Variants in RARB observed in about 807,000 individuals in gnomAD.
RARB encodes HBV-activated protein.
Under a neutral mutation model 51.9 loss-of-function variants are expected in RARB, and 17 were observed. The ratio of observed to expected loss-of-function variants is 0.33; its 90% confidence interval spans 0.22 to 0.49. The LOEUF (loss-of-function observed/expected upper bound fraction) is 0.49, where lower values mean the gene tolerates loss of function less well. Ranked by LOEUF, RARB falls within the 20% of genes least tolerant of loss-of-function variation. The pLI is 0.99. For synonymous variants in RARB, 215 were observed against 195.4 expected, an observed-to-expected ratio of 1.10 and a Z score of -0.84; for missense variants, 369 against 550.8, an observed-to-expected ratio of 0.67 and a Z score of 3.30.
At chr3:24,976,674 G>A (rs575553731) in intron 2 of RARB, among the ~76,000 whole-genome samples, 2 of 152,042 alleles carry the variant, frequency 1.3e-5, no homozygotes, top group South Asian at 4.1e-4. Context: ...TTTGTCAGAT[G>A]GATAGACTAC....
At chr3:25,063,527 TA>T (rs147651700) in intron 3 of RARB, among the ~76,000 whole-genome samples, 3,854 of 151,736 alleles carry the variant, frequency 0.025, 147 homozygotes, top group African/African-American at 0.087. Context: ...GCACATAAGG[TA>T]AAAAAACAAA....
intron 2 of RARB, among the ~76,000 whole-genome samples, chr3:25,001,447 C>G (rs1309801473): frequency 1.3e-5 from 2 of 152,082 alleles, no homozygotes; most frequent in Non-Finnish European, 2.9e-5. Flanking sequence ...TACTTTTGCC[C>G]TTATCCTTCT....
chr3:25,498,536 C>G (rs1381127093), intron 2 of RARB, among the ~76,000 whole-genome samples: 1 of 152,146 alleles, frequency 6.6e-6, no homozygotes, highest in Non-Finnish European at 1.5e-5. Context: ...TTTGGAAAAC[C>G]AAGAAGTCCT....
At chr3:25,247,013 C>A (rs1405885886) in intron 5 of RARB, among the ~76,000 whole-genome samples, 5 of 152,216 alleles carry the variant, frequency 3.3e-5, no homozygotes, top group Non-Finnish European at 2.9e-5. Context: ...TTCAGAGATG[C>A]CCTGCCCAGA....
chr3:25,323,130 G>A (rs947108773), intron 5 of RARB, among the ~76,000 whole-genome samples: 6 of 130,044 alleles, frequency 4.6e-5, no homozygotes, highest in African/African-American at 1.5e-4. Context: ...AATACCCGGG[G>A]CTCAAGGCAA....
chr3:24,877,405 A>G (rs1439595711), intron 2 of RARB, among the ~76,000 whole-genome samples: 1 of 128,810 alleles, frequency 7.8e-6, no homozygotes, highest in East Asian at 2.3e-4. Context: ...AGAAAGACTT[A>G]AGAATAGAAA....
At chr3:25,399,929 A>G (rs1280071893) in intron 5 of RARB, among the ~76,000 whole-genome samples, 1 of 152,194 alleles carries the variant, frequency 6.6e-6, no homozygotes, top group African/African-American at 2.4e-5. Context: ...TTAGGTTTTT[A>G]TAACTTTGTC....
rs368432868 is a variant in RARB at position 25,596,585 on chromosome 3, G to A, written c.1316G>A (p.Ser439Asn). 3 of 1,610,838 alleles carry A rather than the reference G, an allele frequency of 1.9e-6. No homozygotes were observed. The Admixed American group carries it at 5.0e-5, about 27-fold the overall frequency. The change falls in exon 8 of 8, where the codon AGT (serine) becomes AAT (asparagine). Residue 439 changes from serine to asparagine, a missense_variant. By Grantham distance (46) the Ser-to-Asn change is conservative. Transcript: ENST00000330688. ...ATCTCACCCAGCTCAGTGGAAAACA[G>A]TGGGGTCAGTCAGTCACCACTCGTG... ...PSISPSSVEN[S>N]GVSQSPLVQ
chr3:25,357,419 T>A (rs1705776855), intron 5 of RARB, among the ~76,000 whole-genome samples: 1 of 152,212 alleles, frequency 6.6e-6, no homozygotes, highest in Non-Finnish European at 1.5e-5. Context: ...TAGCCCTTTG[T>A]CAGATGGATA....
intron 5 of RARB, among the ~76,000 whole-genome samples, chr3:25,211,445 T>C (rs982453281): frequency 2.0e-5 from 3 of 152,222 alleles, no homozygotes; most frequent in African/African-American, 7.2e-5. Flanking sequence ...TCCCAGAATA[T>C]AGTATGTTTT....
chr3:24,903,356 C>T (rs928227515), intron 2 of RARB, among the ~76,000 whole-genome samples: 1 of 152,026 alleles, frequency 6.6e-6, no homozygotes, highest in Non-Finnish European at 1.5e-5. Context: ...TGTAAAATAT[C>T]TGTTAGATGA....
At chr3:25,290,816 C>CCT (rs1392597342) in intron 5 of RARB, among the ~76,000 whole-genome samples, 1 of 152,106 alleles carries the variant, frequency 6.6e-6, no homozygotes, top group Non-Finnish European at 1.5e-5. Context: ...TTGGCTTTTC[C>CCT]CTCTCTCTCC....
chr3:25,353,604 A>AC (rs1379644742), intron 5 of RARB, among the ~76,000 whole-genome samples: 6 of 145,720 alleles, frequency 4.1e-5, no homozygotes, highest in African/African-American at 1.0e-4. Flanking sequence ...TTTTTGTCTT[A>AC]CCCCAAAGTA....
chr3:25,553,198 T>C (rs1368665470), intron 3 of RARB, among the ~76,000 whole-genome samples: 1 of 151,628 alleles, frequency 6.6e-6, no homozygotes, highest in African/African-American at 2.4e-5. Context: ...AACACAACTA[T>C]ATTGATTGCT....
intron 5 of RARB, among the ~76,000 whole-genome samples, chr3:25,221,139 A>G (rs190635386): frequency 1.3e-5 from 2 of 149,436 alleles, no homozygotes; most frequent in South Asian, 4.1e-4. Flanking sequence ...TAATGGAACT[A>G]ATCAAACAAG....
At chr3:25,350,037 G>A (rs530784070) in intron 5 of RARB, among the ~76,000 whole-genome samples, 10 of 152,184 alleles carry the variant, frequency 6.6e-5, no homozygotes, top group East Asian at 1.9e-4. Context: ...GGTTGGTCTC[G>A]GGGTAGTAGG....
chr3:25,119,658 A>G (rs1699747107), intron 3 of RARB, among the ~76,000 whole-genome samples: 1 of 149,546 alleles, frequency 6.7e-6, no homozygotes, highest in South Asian at 2.1e-4. Context: ...AAACAAACAA[A>G]CAAAAAAAAA....
intron 5 of RARB, among the ~76,000 whole-genome samples, chr3:25,237,409 A>G (rs138838907): frequency 2.0e-5 from 3 of 151,292 alleles, no homozygotes; most frequent in East Asian, 1.9e-4. Context: ...TTGCACTTCA[A>G]TATTCTAAAT....
chr3:24,867,834 A>C lies in RARB; in HGVS notation c.-380+9082A>C, dbSNP rs1429836726. On this transcript the variant is annotated intron_variant, in intron 2 of 11. Transcript: ENST00000383772. ...TCTCTTAAGAAAAGCCCACAAAAAC[A>C]ACAAAAGGAAATGGTAGACACTTGG... Among the ~76,000 whole-genome samples, 2 of 152,192 alleles carry C rather than the reference A, an allele frequency of 1.3e-5. 1 individual carries two copies. Among genetic ancestry groups the C allele is most frequent in the Admixed American group, 1.3e-4 (2 of 15,280 alleles).
Sources: allele counts gnomAD v4.1 joint callset (sites outside exome capture counted in the v4.1 genomes callset), GRCh38; gene constraint gnomAD v4.1.1; transcripts MANE v1.5; gene names NCBI Gene and HGNC (gene_info 2026-07-23, HGNC 2026-07-21).